EGFR: variants seen among roughly 807,000 people sequenced by gnomAD.
EGFR encodes the protein epidermal growth factor receptor.
Under a neutral mutation model 143.0 loss-of-function variants are expected in EGFR, and 58 were observed. The ratio of observed to expected loss-of-function variants is 0.41; its 90% CI spans 0.33 to 0.50. EGFR has a LOEUF of 0.50. EGFR is among the 20% of genes least tolerant of loss of function. The pLI, the probability that EGFR is intolerant of heterozygous loss-of-function variation, is 0.39. For synonymous variants in EGFR, 613 were observed against 594.4 expected, an observed-to-expected ratio of 1.03 and a Z score of -0.45; for missense variants, 1,307 against 1,579.0, an observed-to-expected ratio of 0.83 and a Z score of 2.92.
intron 20 of EGFR, among the ~76,000 whole-genome samples, 160 bp from the exon 21 acceptor site, chr7:55,191,559 C>T (rs184449185): frequency 2.8e-4 from 42 of 152,294 alleles, no homozygotes; most frequent in Non-Finnish European, 5.3e-4. Flanking sequence ...TTCTTTCATG[C>T]GCCTTTCCAT....
chr7:55,207,097 T>C lies in EGFR; in HGVS notation c.*1480T>C. 1 of 232,820 alleles carries C rather than the reference T, an allele frequency of 4.3e-6. No individual in the cohort carries two copies. Among genetic ancestry groups the C allele is most frequent in the East Asian group, 6.1e-5 (1 of 16,518 alleles). The allele number at this position is 232,820 out of a possible 1,614,324, so 14.4% of individuals were successfully genotyped here. A position where few individuals can be genotyped will look rare whatever the true frequency, so the allele number is the denominator to read the frequency against. ...TAACCTGACTGGTTAACAGCAGTCC[T>C]TTGTAAACAGTGTTTTAAACTCTCC... On this transcript the variant is annotated 3_prime_UTR_variant, in exon 28 of 28. Coordinates refer to ENST00000275493, the MANE Select transcript of EGFR (RefSeq NM_005228.5).
intron 20 of EGFR, among the ~76,000 whole-genome samples, chr7:55,185,511 C>T (rs149197361): frequency 1.3e-5 from 2 of 152,352 alleles, no homozygotes; most frequent in Non-Finnish European, 2.9e-5. Flanking sequence ...CCTGTGCCAC[C>T]CTCTCCCCGT....
At chr7:55,166,766 G>A (rs1203513271) in intron 15 of EGFR, among the ~76,000 whole-genome samples, 1 of 138,116 alleles carries the variant, frequency 7.2e-6, no homozygotes, top group African/African-American at 2.9e-5. Context: ...GTGGTGAGGA[G>A]GTGAGAGTCA....
intron 13 of EGFR, among the ~76,000 whole-genome samples, chr7:55,162,355 C>A (rs1785751260): frequency 6.6e-6 from 1 of 152,200 alleles, no homozygotes; most frequent in African/African-American, 2.4e-5. Context: ...TGTAGGAATT[C>A]TTCCTGTTTT....
rs1048205254 is a variant in EGFR, at chr7:55,181,171, C to T, written c.2284-122C>T. On this transcript the variant is annotated intron_variant, in intron 19 of 27. Transcript: ENST00000275493. ...GTCTTTTGCAGGCACAGCTTTTCCTCCATGAGTACGTATTTTGAAACTCAA... is the reference window on the plus strand; with the variant it reads ...GTCTTTTGCAGGCACAGCTTTTCCTTCATGAGTACGTATTTTGAAACTCAA... 4.9e-6 allele frequency: 6 copies of T among 1,214,930 alleles called. No homozygotes were observed. The Admixed American group carries it at 8.5e-5, about 17-fold the overall frequency. 75.3% of individuals were successfully genotyped at this position (1,214,930 alleles called of 1,614,324 possible). A position where few individuals can be genotyped will look rare whatever the true frequency, so the allele number is the denominator to read the frequency against.
chr7:55,027,181 G>T (rs1024644908), intron 1 of EGFR, among the ~76,000 whole-genome samples: 1 of 152,192 alleles, frequency 6.6e-6, no homozygotes, highest in Non-Finnish European at 1.5e-5. Context: ...GGCTGAGAAA[G>T]AGAGACACAT....
Position 55,145,357 on chromosome 7 carries a change from C to T in EGFR, c.425-1249C>T, listed in dbSNP as rs1239763900. ...ATGAGTGTTTTCACGGATGGTTCTG[C>T]TGTCATCTCCAACCTGATAAACAAA... On this transcript the variant is annotated intron_variant, in intron 3 of 27. Coordinates refer to ENST00000275493, the MANE Select transcript of EGFR (RefSeq NM_005228.5). 5.9e-5 allele frequency among the ~76,000 whole-genome samples: 9 copies of T among 152,332 alleles called. No individual in the cohort carries two copies. In the East Asian group the frequency reaches 1.3e-3, roughly 23 times the overall value.
At chr7:55,148,010 A>G (rs574864749) in intron 4 of EGFR, among the ~76,000 whole-genome samples, 1 of 152,260 alleles carries the variant, frequency 6.6e-6, no homozygotes, top group South Asian at 2.1e-4. Flanking sequence ...TTGACACTAC[A>G]TTTTGTTTGT....
At chr7:55,020,273 C>T (rs915907815) in intron 1 of EGFR, among the ~76,000 whole-genome samples, 35 of 152,358 alleles carry the variant, frequency 2.3e-4, no homozygotes, top group African/African-American at 7.9e-4. Context: ...CCAGGCTCTC[C>T]TTCGATGGCC....
At chr7:55,074,238 G>A (rs960998269) in intron 1 of EGFR, among the ~76,000 whole-genome samples, 18 of 152,222 alleles carry the variant, frequency 1.2e-4, no homozygotes, top group African/African-American at 4.3e-4. Flanking sequence ...TCAGGATCTC[G>A]GGTTCGACCA....
Position 55,208,294 on chromosome 7 carries a change from A to G in EGFR, c.*2677A>G, listed in dbSNP as rs1440781913. 2.6e-5 allele frequency: 4 copies of G among 152,110 alleles called. No individual in the cohort carries two copies. The East Asian group carries it at 7.7e-4, about 29-fold the overall frequency. The allele number at this position is 152,110 out of a possible 1,614,324, so 9.4% of individuals were successfully genotyped here. On this transcript the variant is annotated 3_prime_UTR_variant, in exon 28 of 28. Transcript: ENST00000275493. ...GAGAGGAGCTGCCCAAAGTCCCATG[A>G]TTTTCACCTAACAGCCCTGATCAGT...
At chr7:55,161,364 C>A in intron 12 of EGFR, 135 bp from the exon 13 acceptor site, 1 of 1,265,056 alleles carries the variant, frequency 7.9e-7, no homozygotes, top group Non-Finnish European at 1.1e-6. Context: ...TGTCCTCCTC[C>A]TTCAGGGGTA....
rs77802837 is a variant in EGFR at position 55,035,098 on chromosome 7, G to A, written c.88+15733G>A. 6.7e-3 allele frequency among the ~76,000 whole-genome samples: 1,024 copies of A among 152,220 alleles called. 10 individuals carry two copies. Among genetic ancestry groups the A allele is most frequent in the African/African-American group, 0.023 (961 of 41,532 alleles). On this transcript the variant is annotated intron_variant, in intron 1 of 27. Coordinates refer to ENST00000275493, the MANE Select transcript of EGFR (RefSeq NM_005228.5). Reference sequence around the variant, plus strand: ...AGTGGCCTTCGAGCTTAACACATAAGACTTGGGAGGCAAAACCTTTTATTC... The same window carrying A: ...AGTGGCCTTCGAGCTTAACACATAAAACTTGGGAGGCAAAACCTTTTATTC...
chr7:55,025,728 C>T (rs544606176), intron 1 of EGFR, among the ~76,000 whole-genome samples: 33 of 152,174 alleles, frequency 2.2e-4, no homozygotes, highest in Non-Finnish European at 4.0e-4. Flanking sequence ...TCATGCTCAC[C>T]GTCAGCATCG....
At chr7:55,187,471 C>G (rs889041493) in intron 20 of EGFR, among the ~76,000 whole-genome samples, 2 of 152,316 alleles carry the variant, frequency 1.3e-5, no homozygotes, top group Admixed American at 1.3e-4. Flanking sequence ...CAGAGCATGA[C>G]TCTCAGGACA....
chr7:55,139,873 G>T lies in EGFR; in HGVS notation c.89-2413G>T, dbSNP rs545152874. Reference sequence around the variant, plus strand: ...TTTTGTGAATTAAGATTTACATCAAGAATATGTAATGTTGTTACTGTCTCC... The same window carrying T: ...TTTTGTGAATTAAGATTTACATCAATAATATGTAATGTTGTTACTGTCTCC... On this transcript the variant is annotated intron_variant, in intron 1 of 27. Transcript: ENST00000275493. 2.6e-5 allele frequency among the ~76,000 whole-genome samples: 4 copies of T among 152,148 alleles called. No individual in the cohort carries two copies. In the East Asian group the frequency reaches 7.8e-4, roughly 30 times the overall value.
chr7:55,086,853 CTG>C (rs17336080), intron 1 of EGFR, among the ~76,000 whole-genome samples: 2,843 of 152,334 alleles, frequency 0.019, 52 homozygotes, highest in South Asian at 0.067. Flanking sequence ...CTCAAATTCT[CTG>C]TCTTTTTTCT....
chr7:55,061,532 T>C (rs1475657120), intron 1 of EGFR, among the ~76,000 whole-genome samples: 1 of 152,110 alleles, frequency 6.6e-6, no homozygotes, highest in Non-Finnish European at 1.5e-5. Context: ...TTCTTTGCTC[T>C]GATTAAACGA....
chr7:55,094,621 CAA>C (rs1791332988), intron 1 of EGFR, among the ~76,000 whole-genome samples: 1 of 152,232 alleles, frequency 6.6e-6, no homozygotes, highest in Non-Finnish European at 1.5e-5. Context: ...GACAGTCCAG[CAA>C]CTTCCTTTCT....
Sources: allele counts gnomAD v4.1 joint callset (sites outside exome capture counted in the v4.1 genomes callset), GRCh38; gene constraint gnomAD v4.1.1; transcripts MANE v1.5; gene names NCBI Gene and HGNC (gene_info 2026-07-23, HGNC 2026-07-21).